COL9A3: variants seen among roughly 807,000 people sequenced by gnomAD.
The protein encoded by COL9A3 is collagen type IX alpha 3 chain.
In COL9A3, 82 loss-of-function variants were observed where a neutral mutation model predicts 110.2. That is an observed-to-expected ratio of 0.74 (90% CI 0.62 to 0.89). COL9A3 has a LOEUF of 0.89. Among genes scored for constraint, COL9A3 ranks in the 40% least tolerant of loss-of-function variants. The pLI, the probability that COL9A3 is intolerant of heterozygous loss-of-function variation, is 0.00. For missense variants in COL9A3, 1,066 were observed against 981.3 expected (o/e 1.09, Z -1.15); for synonymous variants, 494 against 403.8 (o/e 1.22, Z -2.68).
chr20:62,818,186 C>T (rs1284893362), intron 2 of COL9A3, among the ~76,000 whole-genome samples: 1 of 152,194 alleles, frequency 6.6e-6, no homozygotes, highest in Admixed American at 6.5e-5. Flanking sequence ...CAGGAGTCCC[C>T]TCAGGGCCTG....
At chr20:62,836,647 A>G (rs1479589280) in intron 29 of COL9A3, 115 bp downstream of exon 29, 6 of 1,135,822 alleles carry the variant, frequency 5.3e-6, no homozygotes, top group Non-Finnish European at 7.5e-6. Context: ...GTGAGCCCCT[A>G]GCACTCACCC....
rs2063584904 is a variant in COL9A3 at position 62,830,242 on chromosome 20, T to A, written c.1162-118T>A. On this transcript the variant is annotated intron_variant, in intron 22 of 31. Transcript: ENST00000649368. ...GTCCCCAGCAACCCAGCCAGGTGGC[T>A]TAGAACCGGCTCCTGTGTCCACCCA... 3.2e-6 allele frequency: 4 copies of A among 1,243,408 alleles called. No individual in the cohort carries two copies. In the Admixed American group the frequency reaches 7.9e-5, roughly 25 times the overall value. The allele number at this position is 1,243,408 out of a possible 1,614,324, so 77.0% of individuals were successfully genotyped here.
chr20:62,840,206 C>T (rs1427192576), intron 31 of COL9A3, among the ~76,000 whole-genome samples: 1 of 151,992 alleles, frequency 6.6e-6, no homozygotes, highest in African/African-American at 2.4e-5. Context: ...AAAGCCACCC[C>T]ACAACCCCCC....
Position 62,821,801 on chromosome 20 carries a change from CG to C in COL9A3, c.416del (p.Gly139AlafsTer394). The C allele has an allele frequency of 1.9e-6, 3 of 1,603,608 alleles. No individual in the cohort carries two copies. The highest frequency in any genetic ancestry group is 2.6e-6 in the Non-Finnish European group (3 of 1,173,130). ...SGPPGGIGLR[G>X]PPGPSGLPGL... Reference sequence around the variant, plus strand: ...GCCCCCCAGGTGGGATCGGCCTCCGCGGCCCCCCGGTGAGTGGCTGTCCCAG... The same window carrying C: ...GCCCCCCAGGTGGGATCGGCCTCCGCGCCCCCCGGTGAGTGGCTGTCCCAG... On this transcript the variant is annotated frameshift_variant, in exon 8 of 32. Transcript: ENST00000649368. LOFTEE classifies it high-confidence loss of function.
Position 62,830,346 on chromosome 20 carries a change from C to T in COL9A3, c.1162-14C>T, listed in dbSNP as rs1295623487. The T allele has an allele frequency of 1.9e-5, 29 of 1,567,518 alleles. No homozygotes were observed. The highest frequency in any genetic ancestry group is 1.7e-4 in the Middle Eastern group (1 of 6,022). On this transcript the variant is annotated splice_polypyrimidine_tract_variant and intron_variant, in intron 22 of 31. Coordinates refer to ENST00000649368, the MANE Select transcript of COL9A3 (RefSeq NM_001853.4). ...CCCTGAGACATCCGCTCACACCTCA[C>T]CTTTGTCTTCCAGGGGGCCCTCGGC...
intron 26 of COL9A3, 109 bp from the exon 27 acceptor site, chr20:62,835,812 A>G: frequency 1.9e-6 from 2 of 1,070,756 alleles, no homozygotes; most frequent in Non-Finnish European, 2.9e-6. Context: ...ATTTGGATGT[A>G]GTCTAATAGC....
At chr20:62,826,660 C>A in intron 14 of COL9A3, 107 bp from the exon 15 acceptor site, 1 of 1,205,106 alleles carries the variant, frequency 8.3e-7, no homozygotes, top group Non-Finnish European at 1.2e-6. Context: ...TGCTGGGGAG[C>A]CCTAGAGGAA....
rs545225646 is a variant in COL9A3, at chr20:62,838,018, G to A, written c.1787-666G>A. On this transcript the variant is annotated intron_variant, in intron 30 of 31. Transcript: ENST00000649368. The stretch of plus-strand genomic sequence containing the variant: ...ATTTGAATGACGCAATTAGAGGGAT[G>A]TGAAAATGCCCTTAGGTGAACCATG... Among the ~76,000 whole-genome samples, 16 of 152,364 alleles carry A rather than the reference G, an allele frequency of 1.1e-4. No individual in the cohort carries two copies. The Middle Eastern group carries it at 0.01, about 97-fold the overall frequency.
chr20:62,837,250 G>A lies in COL9A3; in HGVS notation c.1771G>A (p.Asp591Asn). 6.2e-7 allele frequency: 1 copy of A among 1,610,836 alleles called. No homozygotes were observed. Among genetic ancestry groups the A allele is most frequent in the Non-Finnish European group, 8.5e-7 (1 of 1,179,736 alleles). Reference sequence around the variant, plus strand: ...CCGCGGTCCCACTGGGGAGCTGGGAGACCCCGGGCCCAGAGGTGAGTGTTT... The same window carrying A: ...CCGCGGTCCCACTGGGGAGCTGGGAAACCCCGGGCCCAGAGGTGAGTGTTT... The part of the protein sequence containing the change: ...GYRGPTGELG[D>N]PGPRGNQGDR... Residue 591 changes from aspartate to asparagine, a missense_variant, in exon 30 of 32, where the codon GAC (aspartate) becomes AAC (asparagine). Physicochemically the swap from Asp to Asn is conservative, Grantham distance 23. Coordinates refer to ENST00000649368, the MANE Select transcript of COL9A3 (RefSeq NM_001853.4).
intron 14 of COL9A3, among the ~76,000 whole-genome samples, chr20:62,826,555 C>T (rs572214457): frequency 5.6e-4 from 85 of 152,322 alleles, no homozygotes; most frequent in African/African-American, 2.0e-3. Context: ...CCCACACACA[C>T]GGTCCCAGGC....
intron 10 of COL9A3, among the ~76,000 whole-genome samples, chr20:62,823,076 C>T (rs2063523932): frequency 6.6e-6 from 1 of 152,218 alleles, no homozygotes; most frequent in Non-Finnish European, 1.5e-5. Flanking sequence ...GTGGCTCAGG[C>T]CTGTAATCCC....
chr20:62,826,801 C>A lies in COL9A3; in HGVS notation c.773C>A (p.Pro258Gln). 6.2e-7 allele frequency: 1 copy of A among 1,612,810 alleles called. No individual in the cohort carries two copies. Among genetic ancestry groups the A allele is most frequent in the East Asian group, 2.2e-5 (1 of 44,884 alleles). Residue 258 changes from proline to glutamine, a missense_variant, in exon 15 of 32, where the codon CCA becomes CAA. By Grantham distance (76) the Pro-to-Gln change is moderately conservative. Transcript: ENST00000649368. ...PIGFRGPPGIPGAPGKAGDRG... is the reference protein window; with the variant it reads ...PIGFRGPPGIQGAPGKAGDRG... Reference sequence around the variant, plus strand: ...GGGTTCCGAGGGCCGCCTGGGATCCCAGGAGCGCCTGGGAAAGCGGTACGT... The same window carrying A: ...GGGTTCCGAGGGCCGCCTGGGATCCAAGGAGCGCCTGGGAAAGCGGTACGT...
Position 62,836,254 on chromosome 20 carries a change from G to A in COL9A3, c.1469G>A (p.Gly490Asp), listed in dbSNP as rs1014787640. 1.2e-6 allele frequency: 2 copies of A among 1,613,742 alleles called. No individual in the cohort carries two copies. Among genetic ancestry groups the A allele is most frequent in the Non-Finnish European group, 1.7e-6 (2 of 1,180,004 alleles). Reference protein sequence around the residue: ...QGPNGTSGVQGVPGPPGPLGL... With the variant: ...QGPNGTSGVQDVPGPPGPLGL... Reference sequence around the variant, plus strand: ...CCCAACGGCACCAGCGGTGTTCAGGGTGTCCCCGGGCCCCCCGGTCCTCTG... The same window carrying A: ...CCCAACGGCACCAGCGGTGTTCAGGATGTCCCCGGGCCCCCCGGTCCTCTG... Residue 490 changes from glycine (G) to aspartate (D), a missense_variant, in exon 28 of 32, where the codon GGT becomes GAT. Transcript: ENST00000649368.
rs375584525 is a variant in COL9A3, at chr20:62,821,162, G to T, written c.310-19G>T. The stretch of plus-strand genomic sequence containing the variant: ...AATAGAGGCCCAGCCCAACCTAGAC[G>T]CCTGCTTTCCTCCCACAGGGAAGTC... On this transcript the variant is annotated intron_variant, in intron 5 of 31. Transcript: ENST00000649368. 1.9e-6 allele frequency: 3 copies of T among 1,612,432 alleles called. No individual in the cohort carries two copies. Among genetic ancestry groups the T allele is most frequent in the South Asian group, 1.1e-5 (1 of 90,878 alleles).
Position 62,826,220 on chromosome 20 carries a change from G to A in COL9A3, c.701G>A (p.Arg234Gln), listed in dbSNP as rs150885737. The A allele has an allele frequency of 1.5e-5, 24 of 1,562,578 alleles. No homozygotes were observed. The highest frequency in any genetic ancestry group is 1.9e-5 in the Non-Finnish European group (22 of 1,154,206). Residue 234 changes from arginine (R) to glutamine (Q), a missense_variant, in exon 14 of 32, where the codon CGA becomes CAA. Physicochemically the swap from Arg to Gln is conservative, Grantham distance 43. Coordinates refer to ENST00000649368, the MANE Select transcript of COL9A3 (RefSeq NM_001853.4). Reference protein sequence around the residue: ...SVGLQGPRGLRGLPGPLGPPG... With the variant: ...SVGLQGPRGLQGLPGPLGPPG... Reference sequence around the variant, plus strand: ...CTCTCGCAGGGCCCCCGGGGATTACGAGGACTGCCAGGGCCACTCGGGCCC... The same window carrying A: ...CTCTCGCAGGGCCCCCGGGGATTACAAGGACTGCCAGGGCCACTCGGGCCC...
In COL9A3 at chr20:62,840,868, G is replaced by T. The variant is rs762913008; in HGVS notation, c.*136G>T. 6.1e-6 allele frequency: 6 copies of T among 986,946 alleles called. No homozygotes were observed. The highest frequency in any genetic ancestry group is 9.3e-6 in the Non-Finnish European group (6 of 648,024). 61.1% of individuals were successfully genotyped at this position (986,946 alleles called of 1,614,324 possible). ...TGCCCCTCGGCCGCCGACTGGACGCGCGGGCCTTGCCAGCGAGCACCCTCA... is the reference window on the plus strand; with the variant it reads ...TGCCCCTCGGCCGCCGACTGGACGCTCGGGCCTTGCCAGCGAGCACCCTCA... On this transcript the variant is annotated 3_prime_UTR_variant, in exon 32 of 32. Coordinates refer to ENST00000649368, the MANE Select transcript of COL9A3 (RefSeq NM_001853.4).
Position 62,826,317 on chromosome 20 carries a change from C to T in COL9A3, c.738+60C>T, listed in dbSNP as rs923652706. The T allele has an allele frequency of 2.7e-6, 4 of 1,457,858 alleles. No homozygotes were observed. The African/African-American group carries it at 4.2e-5, about 15-fold the overall frequency. The allele number at this position is 1,457,858 out of a possible 1,614,324, so 90.3% of individuals were successfully genotyped here. The stretch of plus-strand genomic sequence containing the variant: ...GTGGCTGGGGGCCTGGTTGTCTGCA[C>T]CTCCAGACTTCAGATGGGCCCCGTG... On this transcript the variant is annotated intron_variant, in intron 14 of 31. Transcript: ENST00000649368.
At chr20:62,830,172 A>ACAAATTGG in intron 22 of COL9A3, among the ~76,000 whole-genome samples, 188 bp from the exon 23 acceptor site, 1 of 152,170 alleles carries the variant, frequency 6.6e-6, no homozygotes, top group Non-Finnish European at 1.5e-5. Context: ...GGTATGCCTG[A>ACAAATTGG]GTTCTGAGAC....
intron 16 of COL9A3, 86 bp downstream of exon 16, chr20:62,827,380 C>T (rs538965786): frequency 1.3e-5 from 19 of 1,428,518 alleles, no homozygotes; most frequent in Non-Finnish European, 1.9e-5. Context: ...GGGGGACACA[C>T]TTGGGAGTGA....
Sources: gnomAD v4.1 joint callset for allele counts (sites outside exome capture counted in the v4.1 genomes callset) on GRCh38, gnomAD v4.1.1 for gene constraint, MANE v1.5 for transcripts, NCBI Gene and HGNC (gene_info 2026-07-23, HGNC 2026-07-21) for gene names.